Variants in ERC2 observed in about 807,000 individuals in gnomAD.
ERC2 encodes the protein ERC protein 2.
In ERC2, 42 loss-of-function variants were observed where a neutral mutation model predicts 114.8. The observed-to-expected ratio is 0.37, with a 90% CI of 0.29 to 0.47. ERC2 has a LOEUF of 0.47. ERC2 is among the 20% of genes least tolerant of loss of function. ERC2 has a pLI of 0.99. For synonymous variants in ERC2, 454 were observed against 425.5 expected (o/e 1.07, Z -0.82); for missense variants, 939 against 1,150.7 (o/e 0.82, Z 2.66).
intron 2 of ERC2, among the ~76,000 whole-genome samples, chr3:56,428,537 C>T (rs1293368071): frequency 3.9e-5 from 1 of 25,320 alleles, no homozygotes; most frequent in African/African-American, 1.6e-4. Flanking sequence ...AGAAAGAAGG[C>T]AGAAAGGAAG....
intron 7 of ERC2, 113 bp downstream of exon 7, chr3:56,080,704 T>G (rs772928417): frequency 5.7e-6 from 6 of 1,056,248 alleles, no homozygotes; most frequent in Non-Finnish European, 8.1e-6. Context: ...AAAATCAGCC[T>G]ATTCTTCCTA....
chr3:56,058,444 C>T (rs2203828), intron 7 of ERC2, among the ~76,000 whole-genome samples: 39,270 of 152,108 alleles, frequency 0.26, 5,410 homozygotes, highest in South Asian at 0.35. Context: ...TCTGAAAAGA[C>T]GAAGTCTCTC....
chr3:56,396,455 AAAAC>A (rs1310089056), intron 2 of ERC2, among the ~76,000 whole-genome samples: 2 of 152,212 alleles, frequency 1.3e-5, no homozygotes, highest in South Asian at 2.1e-4. Context: ...TTTAAAAACA[AAAAC>A]AAACAAACAA....
intron 7 of ERC2, among the ~76,000 whole-genome samples, chr3:56,069,732 A>T (rs1179736241): frequency 6.6e-6 from 1 of 152,212 alleles, no homozygotes; most frequent in African/African-American, 2.4e-5. Flanking sequence ...GACTGATTAT[A>T]TGTGGGTGCT....
chr3:55,782,941 A>T (rs2069176184), intron 14 of ERC2, among the ~76,000 whole-genome samples: 1 of 152,234 alleles, frequency 6.6e-6, no homozygotes, highest in Non-Finnish European at 1.5e-5. Context: ...TTTACAAAAG[A>T]ATACAGTGAC....
intron 10 of ERC2, among the ~76,000 whole-genome samples, chr3:56,002,339 C>T (rs902455219): frequency 2.6e-5 from 4 of 152,124 alleles, no homozygotes; most frequent in Admixed American, 1.3e-4. Context: ...AAATGATAAA[C>T]TCTAGCCATC....
intron 2 of ERC2, among the ~76,000 whole-genome samples, chr3:56,351,020 G>C (rs958797204): frequency 6.6e-6 from 1 of 152,138 alleles, no homozygotes; most frequent in Non-Finnish European, 1.5e-5. Flanking sequence ...TTGAACTTCA[G>C]GTCCGCCTAG....
At chr3:56,136,926 C>G (rs1269347343) in intron 6 of ERC2, among the ~76,000 whole-genome samples, 1 of 152,168 alleles carries the variant, frequency 6.6e-6, no homozygotes, top group Non-Finnish European at 1.5e-5. Flanking sequence ...TCTCTGCACA[C>G]GGAGAATAAT....
At chr3:55,931,144 A>G (rs1312568563) in intron 13 of ERC2, among the ~76,000 whole-genome samples, 3 of 152,214 alleles carry the variant, frequency 2.0e-5, no homozygotes, top group African/African-American at 7.2e-5. Context: ...AGGCTTTTAC[A>G]CTGTTGGTGA....
chr3:55,874,142 G>T (rs950865383), intron 14 of ERC2, among the ~76,000 whole-genome samples: 1 of 152,180 alleles, frequency 6.6e-6, no homozygotes, highest in Non-Finnish European at 1.5e-5. Context: ...AACCAAAAAT[G>T]CTCTGAGCTT....
chr3:56,070,878 C>T (rs2076705331), intron 7 of ERC2, among the ~76,000 whole-genome samples: 1 of 152,194 alleles, frequency 6.6e-6, no homozygotes, highest in Non-Finnish European at 1.5e-5. Context: ...CCTGCCAAAC[C>T]TTTGCAAATG....
chr3:55,897,624 C>G (rs1035508852), intron 13 of ERC2, among the ~76,000 whole-genome samples: 2 of 152,174 alleles, frequency 1.3e-5, no homozygotes, highest in Non-Finnish European at 2.9e-5. Context: ...CAGAAGGTCA[C>G]CCTGAGATCA....
At chr3:55,714,663 GTGTGTATATATATATATATA>G (rs1231972186) in intron 15 of ERC2, among the ~76,000 whole-genome samples, 11,785 of 90,566 alleles carry the variant, frequency 0.13, 537 homozygotes, top group African/African-American at 0.17. Context: ...GTGTGTGTGT[GTGTGTATATATATATATATA>G]TATATATATA....
chr3:55,854,136 A>C (rs974646524), intron 14 of ERC2, among the ~76,000 whole-genome samples: 6 of 152,112 alleles, frequency 3.9e-5, no homozygotes, highest in Admixed American at 3.3e-4. Flanking sequence ...TTAGCTGGGC[A>C]TGGTGGCAGG....
At chr3:56,291,308 C>T (rs765348809) in intron 3 of ERC2, among the ~76,000 whole-genome samples, 1 of 152,168 alleles carries the variant, frequency 6.6e-6, no homozygotes, top group African/African-American at 2.4e-5. Context: ...TGCTGAGTTT[C>T]GGCCAACCCT....
chr3:56,051,505 G>A lies in ERC2; in HGVS notation c.1641+29312C>T, dbSNP rs186113765. Among the ~76,000 whole-genome samples the A allele has an allele frequency of 5.9e-5, 9 of 152,196 alleles. No homozygotes were observed. In the East Asian group the frequency reaches 7.7e-4, roughly 13 times the overall value. ...GCCAAAAAAGAAGAAGTGAAAAGTC[G>A]TTTTCAGTGTTTCTTTAAATCATCC... On this transcript the variant is annotated intron_variant, in intron 7 of 17. Coordinates refer to ENST00000288221, the MANE Select transcript of ERC2 (RefSeq NM_015576.3).
At chr3:56,124,799 A>G (rs749343971) in intron 6 of ERC2, among the ~76,000 whole-genome samples, 1 of 152,162 alleles carries the variant, frequency 6.6e-6, no homozygotes, top group Non-Finnish European at 1.5e-5. Context: ...GAGATGAGAA[A>G]TATGGCCAAA....
At chr3:56,041,231 T>C (rs1057388473) in intron 7 of ERC2, among the ~76,000 whole-genome samples, 27 of 152,156 alleles carry the variant, frequency 1.8e-4, no homozygotes, top group African/African-American at 6.3e-4. Flanking sequence ...TCTATGTATA[T>C]CTTTTACCTA....
At chr3:55,679,951 T>C (rs897120294) in intron 17 of ERC2, among the ~76,000 whole-genome samples, 1 of 152,178 alleles carries the variant, frequency 6.6e-6, no homozygotes, top group African/African-American at 2.4e-5. Context: ...CAATAAAACA[T>C]CTCCTTCCTC....
Sources: allele counts gnomAD v4.1 joint callset (sites outside exome capture counted in the v4.1 genomes callset), GRCh38; gene constraint gnomAD v4.1.1; transcripts MANE v1.5; gene names NCBI Gene and HGNC (gene_info 2026-07-23, HGNC 2026-07-21).